The following NUP153 variants were observed in gnomAD, a reference collection of about 807,000 sequenced individuals.
NUP153 encodes the protein nuclear pore complex protein Nup153.
Under a neutral mutation model 134.6 loss-of-function variants are expected in NUP153, and 27 were observed. That is an observed-to-expected ratio of 0.20 (90% CI 0.15 to 0.28). The LOEUF (loss-of-function observed/expected upper bound fraction) is 0.28. Among genes scored for constraint, NUP153 ranks in the 10% least tolerant of loss-of-function variants. NUP153 has a pLI of 1.00. For synonymous variants in NUP153, 640 were observed against 623.5 expected, an observed-to-expected ratio of 1.03 and a Z score of -0.40; for missense variants, 1,821 against 1,731.3, an observed-to-expected ratio of 1.05 and a Z score of -0.92.
intron 1 of NUP153, among the ~76,000 whole-genome samples, chr6:17,704,743 AT>A (rs1376285629): frequency 6.8e-6 from 1 of 147,372 alleles, no homozygotes; most frequent in Admixed American, 6.8e-5. Context: ...AAAAAAAAAA[AT>A]TCCTCAAATC....
Position 17,687,567 on chromosome 6 carries a change from A to T in NUP153, c.334+829T>A, listed in dbSNP as rs557867670. Among the ~76,000 whole-genome samples the T allele has an allele frequency of 2.6e-5, 4 of 152,352 alleles. No homozygotes were observed. In the South Asian group the frequency reaches 8.3e-4, roughly 32 times the overall value. ...TTGCCATTTCTCTAAAATAAAAACC[A>T]TTCTTTCAGGGCCATTTCATTATCG... On this transcript the variant is annotated intron_variant, in intron 2 of 21. Transcript: ENST00000262077.
intron 2 of NUP153, among the ~76,000 whole-genome samples, chr6:17,687,541 T>C (rs370950237): frequency 6.6e-6 from 1 of 152,196 alleles, no homozygotes; most frequent in African/African-American, 2.4e-5. Flanking sequence ...AAAAATTAGG[T>C]TTGCCATTTC....
intron 16 of NUP153, among the ~76,000 whole-genome samples, chr6:17,634,296 C>T (rs1471262313): frequency 3.3e-5 from 5 of 152,140 alleles, no homozygotes. Context: ...CCTGCCACTC[C>T]CTGTAAGTTA....
chr6:17,619,269 G>A (rs558815580), intron 20 of NUP153, among the ~76,000 whole-genome samples: 1 of 152,316 alleles, frequency 6.6e-6, no homozygotes, highest in South Asian at 2.1e-4. Flanking sequence ...AACATGGGGA[G>A]AGAATAAAGA....
chr6:17,632,597 C>G (rs1231792241), intron 17 of NUP153, 53 bp downstream of exon 17: 2 of 1,370,624 alleles, frequency 1.5e-6, no homozygotes, highest in Non-Finnish European at 2.0e-6. Flanking sequence ...TTTTAAATGG[C>G]CTTACAAAAA....
At chr6:17,619,130 A>G (rs1303083360) in intron 20 of NUP153, among the ~76,000 whole-genome samples, 1 of 152,234 alleles carries the variant, frequency 6.6e-6, no homozygotes, top group Middle Eastern at 3.2e-3. Flanking sequence ...GAAAGAAGAA[A>G]CAGGCCAAAG....
chr6:17,637,422 A>G lies in NUP153; in HGVS notation c.2195T>C (p.Leu732Ser). ...TATTGCTTCAGGTTTATTTTGCACT[A>G]AACAGGTATCACAATCCCAAGTGCC... The part of the protein sequence containing the change: ...VIGTWDCDTC[L>S]VQNKPEAIKC... The change falls in exon 16 of 22, where the codon TTA becomes TCA. Residue 732 changes from leucine (L) to serine (S), a missense_variant. Coordinates refer to ENST00000262077, the MANE Select transcript of NUP153 (RefSeq NM_005124.4). 6.2e-7 allele frequency: 1 copy of G among 1,614,246 alleles called. No homozygotes were observed.
chr6:17,662,003 A>G lies in NUP153; in HGVS notation c.1268+15T>C. ...TAAATATAAAGAAGTATAGCTGTATAAGAAATGACAGTACCTTTCTCGTTG... is the reference window on the plus strand; with the variant it reads ...TAAATATAAAGAAGTATAGCTGTATGAGAAATGACAGTACCTTTCTCGTTG... On this transcript the variant is annotated intron_variant, in intron 10 of 21. Coordinates refer to ENST00000262077, the MANE Select transcript of NUP153 (RefSeq NM_005124.4). The G allele has an allele frequency of 6.4e-7, 1 of 1,568,300 alleles. No homozygotes were observed. The highest frequency in any genetic ancestry group is 8.8e-7 in the Non-Finnish European group (1 of 1,140,296).
At chr6:17,705,793 CCCA>C (rs1478728175) in intron 1 of NUP153, among the ~76,000 whole-genome samples, 7 of 151,956 alleles carry the variant, frequency 4.6e-5, no homozygotes, top group East Asian at 3.9e-4. Flanking sequence ...AACAGCGCCC[CCCA>C]CAACTCCCCG....
At chr6:17,695,296 C>A (rs973991874) in intron 1 of NUP153, among the ~76,000 whole-genome samples, 1 of 152,100 alleles carries the variant, frequency 6.6e-6, no homozygotes, top group East Asian at 1.9e-4. Flanking sequence ...AGCCTATGAG[C>A]TCATTAGAAA....
In NUP153 at chr6:17,669,025, G is replaced by T; in HGVS notation, c.1018C>A (p.Leu340Ile). 1.5e-6 allele frequency: 2 copies of T among 1,372,836 alleles called. No homozygotes were observed. The highest frequency in any genetic ancestry group is 1.9e-6 in the Non-Finnish European group (2 of 1,031,678). The allele number at this position is 1,372,836 out of a possible 1,614,324, so 85.0% of individuals were successfully genotyped here. Reference protein sequence around the residue: ...SIVSSPLNSPLDRSGIDITDF... With the variant: ...SIVSSPLNSPIDRSGIDITDF... ...GTGATATCTATCCCACTCCTATCAAGAGGCTGAAAAAAAAAAAAAACACTA... is the reference window on the plus strand; with the variant it reads ...GTGATATCTATCCCACTCCTATCAATAGGCTGAAAAAAAAAAAAAACACTA... The change falls in exon 8 of 22, where the codon CTT becomes ATT. Residue 340 changes from leucine (L) to isoleucine (I), a missense_variant. Leu to Ile is a conservative substitution (Grantham distance 5). Transcript: ENST00000262077.
intron 1 of NUP153, among the ~76,000 whole-genome samples, chr6:17,693,995 C>T (rs1769459155): frequency 6.6e-6 from 1 of 152,142 alleles, no homozygotes; most frequent in Admixed American, 6.6e-5. Context: ...TGCTTCCCAG[C>T]TTTATTTTTT....
intron 14 of NUP153, among the ~76,000 whole-genome samples, chr6:17,642,467 C>G (rs1196024849): frequency 1.3e-5 from 2 of 152,166 alleles, no homozygotes; most frequent in Non-Finnish European, 2.9e-5. Context: ...AATGCAACAT[C>G]ATTTGCATTA....
At chr6:17,698,746 A>AG (rs1769835103) in intron 1 of NUP153, among the ~76,000 whole-genome samples, 1 of 151,436 alleles carries the variant, frequency 6.6e-6, no homozygotes, top group Admixed American at 6.6e-5. Context: ...TCAAAAAAAA[A>AG]AAAAAAAAAA....
At position 17,665,243 on chromosome 6, in the gene NUP153, C is replaced by T; in HGVS notation, c.1211G>A (p.Cys404Tyr). 1.9e-6 allele frequency: 3 copies of T among 1,601,224 alleles called. No individual in the cohort carries two copies. The highest frequency in any genetic ancestry group is 2.2e-5 in the East Asian group (1 of 44,714). ...TAGAAATATACATATACTCACACTG[C>T]ACTTGTTATCTATTCTTTGATTAGT... ...RKTNQRIDNKCSTGYEKNMTP... is the reference protein window; with the variant it reads ...RKTNQRIDNKYSTGYEKNMTP... Residue 404 changes from cysteine (C) to tyrosine (Y), a missense_variant, in exon 9 of 22, where the codon TGC becomes TAC. Transcript: ENST00000262077.
At chr6:17,618,951 AT>A in intron 20 of NUP153, among the ~76,000 whole-genome samples, 1 of 152,250 alleles carries the variant, frequency 6.6e-6, no homozygotes, top group Non-Finnish European at 1.5e-5. Flanking sequence ...GAAAGGAAGG[AT>A]TAGGGGACAA....
intron 5 of NUP153, 138 bp from the exon 6 acceptor site, chr6:17,669,684 G>C: frequency 1.6e-6 from 1 of 643,242 alleles, no homozygotes; most frequent in African/African-American, 1.8e-5. Context: ...TTATCTTTGG[G>C]TGGTATCATT....
chr6:17,690,516 T>C (rs964749370), intron 1 of NUP153, among the ~76,000 whole-genome samples: 5 of 152,018 alleles, frequency 3.3e-5, no homozygotes, highest in Admixed American at 3.3e-4. Context: ...TCAAATGAAA[T>C]AATGTGAAGG....
At chr6:17,639,526 T>C (rs1176243551) in intron 15 of NUP153, among the ~76,000 whole-genome samples, 2 of 152,252 alleles carry the variant, frequency 1.3e-5, no homozygotes, top group East Asian at 3.8e-4. Context: ...AAGTGAGTAC[T>C]GCTCCCTATG....
Sources: gnomAD v4.1 joint callset for allele counts (sites outside exome capture counted in the v4.1 genomes callset) on GRCh38, gnomAD v4.1.1 for gene constraint, MANE v1.5 for transcripts, NCBI Gene and HGNC (gene_info 2026-07-23, HGNC 2026-07-21) for gene names.